The following RD3 variants were observed in gnomAD, a reference collection of about 807,000 sequenced individuals.
RD3 encodes protein RD3.
A neutral mutation model predicts 16.9 loss-of-function variants in RD3; 11 were observed. That is an observed-to-expected ratio of 0.65 (90% CI 0.41 to 1.08). RD3 has a LOEUF of 1.08. Among genes scored for constraint, RD3 ranks in the 50% least tolerant of loss-of-function variants. RD3 has a pLI of 0.00. For synonymous variants in RD3, 116 were observed against 114.8 expected (o/e 1.01, Z -0.07); for missense variants, 274 against 267.4 (o/e 1.02, Z -0.17).
At position 211,479,315 on chromosome 1, in the gene RD3, C is replaced by T; in HGVS notation, c.309G>A (p.Leu103=). 3 of 1,604,044 alleles carry T rather than the reference C, an allele frequency of 1.9e-6. No individual in the cohort carries two copies. The East Asian group carries it at 6.7e-5, about 36-fold the overall frequency. Residue 103 remains leucine (L), a synonymous_variant, in exon 3 of 3, where the codon CTG becomes CTA. Coordinates refer to ENST00000680073, the MANE Select transcript of RD3 (RefSeq NM_001164688.2). ...CGPAILRFRQ[L]LAEQEPEVQE... ...GCACCTCGGGCTCCTGCTCCGCCAG[C>T]AGCTGCCGGAACCTGGGCGGGAGGG...
chr1:211,489,254 G>A (rs1705435313), intron 1 of RD3, among the ~76,000 whole-genome samples: 1 of 152,068 alleles, frequency 6.6e-6, no homozygotes, highest in Admixed American at 6.6e-5. Flanking sequence ...TGGGTCCTAG[G>A]GAAAATTCAG....
At chr1:211,479,691 C>A (rs1447695635) in intron 2 of RD3, among the ~76,000 whole-genome samples, 3 of 152,202 alleles carry the variant, frequency 2.0e-5, no homozygotes, top group African/African-American at 7.2e-5. Flanking sequence ...TCTGGCTAAG[C>A]CTCTCCTGTC....
chr1:211,480,571 G>C (rs1705238575), intron 2 of RD3, among the ~76,000 whole-genome samples: 1 of 151,932 alleles, frequency 6.6e-6, no homozygotes, highest in Non-Finnish European at 1.5e-5. Flanking sequence ...AAGTCAGTAA[G>C]GTTACATTTA....
At chr1:211,485,203 G>A (rs1420043604) in intron 1 of RD3, among the ~76,000 whole-genome samples, 1 of 152,182 alleles carries the variant, frequency 6.6e-6, no homozygotes, top group African/African-American at 2.4e-5. Context: ...CAGATGGCAG[G>A]GGCTGAGTGG....
At chr1:211,482,100 T>G (rs1705279020) in intron 1 of RD3, among the ~76,000 whole-genome samples, 2 of 149,778 alleles carry the variant, frequency 1.3e-5, no homozygotes, top group Admixed American at 1.3e-4. Context: ...TGCATGCCTG[T>G]AATCCCAGCT....
Position 211,488,513 on chromosome 1 carries a change from C to T in RD3, c.-12+3255G>A, listed in dbSNP as rs528877532. On this transcript the variant is annotated intron_variant, in intron 1 of 2. Transcript: ENST00000680073. The stretch of plus-strand genomic sequence containing the variant: ...TGGTGCCACTGCACTCCAGCCTAGG[C>T]GACAGAACAAGACTCTGTCAAAAAA... Among the ~76,000 whole-genome samples the T allele has an allele frequency of 3.8e-3, 519 of 137,760 alleles. 1 individual carries two copies. The highest frequency in any genetic ancestry group is 0.013 in the African/African-American group (493 of 36,536). The allele number at this position is 137,760 out of a possible 152,430, so 90.4% of individuals were successfully genotyped here. A position where few individuals can be genotyped will look rare whatever the true frequency, so the allele number is the denominator to read the frequency against.
At position 211,481,421 on chromosome 1, in the gene RD3, C is replaced by T. The variant is rs1266569553; in HGVS notation, c.-6G>A. Reference sequence around the variant, plus strand: ...AGCCATGAGATGAGAGACATAGCCCCTGGCCCTGCTGAGACAGGACAGATG... The same window carrying T: ...AGCCATGAGATGAGAGACATAGCCCTTGGCCCTGCTGAGACAGGACAGATG... On this transcript the variant is annotated 5_prime_UTR_variant, in exon 2 of 3. Coordinates refer to ENST00000680073, the MANE Select transcript of RD3 (RefSeq NM_001164688.2). The T allele has an allele frequency of 1.2e-6, 2 of 1,612,144 alleles. No individual in the cohort carries two copies. The highest frequency in any genetic ancestry group is 3.3e-5 in the Admixed American group (2 of 60,022).
At chr1:211,490,539 A>G (rs571588816) in intron 1 of RD3, among the ~76,000 whole-genome samples, 57 of 152,344 alleles carry the variant, frequency 3.7e-4, no homozygotes, top group African/African-American at 1.2e-3. Context: ...TGCTGACGCC[A>G]GACGCTCAGT....
Position 211,479,158 on chromosome 1 carries a change from G to C in RD3, c.466C>G (p.Arg156Gly). 1 of 1,612,860 alleles carries C rather than the reference G, an allele frequency of 6.2e-7. No homozygotes were observed. Among genetic ancestry groups the C allele is most frequent in the African/African-American group, 1.3e-5 (1 of 75,028 alleles). ...CTGGCGAAGGGCGAGATGCGCGCGCGGGTCTTGAAGGTGGCCAGGCTGCCG... is the reference window on the plus strand; with the variant it reads ...CTGGCGAAGGGCGAGATGCGCGCGCCGGTCTTGAAGGTGGCCAGGCTGCCG... ...PRGSLATFKT[R>G]ARISPFASDI... is the part of the protein sequence containing the mutation. Residue 156 changes from arginine (R) to glycine (G), a missense_variant, in exon 3 of 3, where the codon CGC (arginine) becomes GGC (glycine). Arg to Gly is a moderately radical substitution (Grantham distance 125). Transcript: ENST00000680073.
intron 1 of RD3, among the ~76,000 whole-genome samples, chr1:211,486,286 C>T (rs1239093558): frequency 2.6e-5 from 4 of 152,026 alleles, no homozygotes; most frequent in Non-Finnish European, 5.9e-5. Context: ...GGGTGGATCA[C>T]CTGAGGTCAC....
At chr1:211,481,933 A>C (rs1705274526) in intron 1 of RD3, among the ~76,000 whole-genome samples, 1 of 152,172 alleles carries the variant, frequency 6.6e-6, no homozygotes. Context: ...TTAGAACTCT[A>C]TGGGGTTGGC....
At chr1:211,483,544 G>A (rs777784301) in intron 1 of RD3, among the ~76,000 whole-genome samples, 3 of 152,072 alleles carry the variant, frequency 2.0e-5, no homozygotes, top group South Asian at 2.1e-4. Context: ...ACAGCTGACC[G>A]CTTCCTGGGA....
At chr1:211,484,622 C>T (rs1330212950) in intron 1 of RD3, among the ~76,000 whole-genome samples, 1 of 152,196 alleles carries the variant, frequency 6.6e-6, no homozygotes, top group Non-Finnish European at 1.5e-5. Flanking sequence ...AAGTATGTTC[C>T]GTTTCCTCCC....
intron 1 of RD3, among the ~76,000 whole-genome samples, chr1:211,482,017 GA>G (rs1214442399): frequency 1.3e-5 from 2 of 152,190 alleles, no homozygotes; most frequent in Non-Finnish European, 2.9e-5. Context: ...GAGGTTGGGA[GA>G]TCAAGACAAG....
intron 1 of RD3, among the ~76,000 whole-genome samples, chr1:211,485,164 G>T (rs1705349374): frequency 6.6e-6 from 1 of 152,200 alleles, no homozygotes. Context: ...CGCTAGAGAA[G>T]GTGCTTTGTG....
At chr1:211,487,494 G>T (rs1256979369) in intron 1 of RD3, among the ~76,000 whole-genome samples, 1 of 152,154 alleles carries the variant, frequency 6.6e-6, no homozygotes, top group Non-Finnish European at 1.5e-5. Context: ...GAGCAAATAT[G>T]GCAAAATATT....
chr1:211,478,025 C>T lies in RD3; in HGVS notation c.*1011G>A, dbSNP rs1705179328. ...TCTTCTAGAACATTTCACTCAGCTGCCTCAAGGTCAGTCAGGGGTTTGGGC... is the reference window on the plus strand; with the variant it reads ...TCTTCTAGAACATTTCACTCAGCTGTCTCAAGGTCAGTCAGGGGTTTGGGC... On this transcript the variant is annotated 3_prime_UTR_variant, in exon 3 of 3. Coordinates refer to ENST00000680073, the MANE Select transcript of RD3 (RefSeq NM_001164688.2). The T allele has an allele frequency of 2.5e-6, 1 of 398,624 alleles. No homozygotes were observed. The highest frequency in any genetic ancestry group is 2.1e-5 in the African/African-American group (1 of 48,750). The allele number at this position is 398,624 out of a possible 1,614,324, so 24.7% of individuals were successfully genotyped here.
rs918703530 is a variant in RD3 at position 211,477,732 on chromosome 1, T to A, written c.*1304A>T. ...TTTTTCCACTGAGGGAATACACACT[T>A]TTCCCCCCTGTTGATTATATCTCCT... On this transcript the variant is annotated 3_prime_UTR_variant, in exon 3 of 3. Coordinates refer to ENST00000680073, the MANE Select transcript of RD3 (RefSeq NM_001164688.2). 2.0e-4 allele frequency: 37 copies of A among 189,478 alleles called. No individual in the cohort carries two copies. Among genetic ancestry groups the A allele is most frequent in the African/African-American group, 8.3e-4 (35 of 42,260 alleles). The allele number at this position is 189,478 out of a possible 1,614,324, so 11.7% of individuals were successfully genotyped here. A position where few individuals can be genotyped will look rare whatever the true frequency, so the allele number is the denominator to read the frequency against.
intron 1 of RD3, among the ~76,000 whole-genome samples, chr1:211,486,708 G>A (rs1412546095): frequency 1.3e-5 from 2 of 151,562 alleles, no homozygotes; most frequent in East Asian, 1.9e-4. Context: ...AATTAGCCAG[G>A]CATGCATGCC....
Sources: gnomAD v4.1 joint callset for allele counts (sites outside exome capture counted in the v4.1 genomes callset) on GRCh38, gnomAD v4.1.1 for gene constraint, MANE v1.5 for transcripts, NCBI Gene and HGNC (gene_info 2026-07-23, HGNC 2026-07-21) for gene names.